The following TXNDC16 variants were observed in gnomAD, a reference collection of about 807,000 sequenced individuals.
TXNDC16 encodes thioredoxin domain containing 16.
A neutral mutation model predicts 85.6 loss-of-function variants in TXNDC16; 74 were observed. The ratio of observed to expected loss-of-function variants is 0.86; its 90% CI spans 0.72 to 1.05. The LOEUF (loss-of-function observed/expected upper bound fraction) is 1.05. Ranked by LOEUF, TXNDC16 falls within the 50% of genes least tolerant of loss-of-function variation. TXNDC16 has a pLI of 0.00. For synonymous variants in TXNDC16, 335 were observed against 326.5 expected (o/e 1.03, Z -0.28); for missense variants, 959 against 947.0 (o/e 1.01, Z -0.17).
intron 16 of TXNDC16, among the ~76,000 whole-genome samples, chr14:52,465,521 G>C (rs1055711391): frequency 6.6e-6 from 1 of 151,394 alleles, no homozygotes; most frequent in African/African-American, 2.4e-5. Flanking sequence ...GAACCTGGGA[G>C]GCCGAGCTTG....
chr14:52,465,165 A>T (rs1302278262), intron 16 of TXNDC16, among the ~76,000 whole-genome samples: 1 of 152,208 alleles, frequency 6.6e-6, no homozygotes, highest in Non-Finnish European at 1.5e-5. Context: ...TGCAAACATA[A>T]TGCTAGACCA....
chr14:52,477,448 TCA>T (rs2036043926), intron 14 of TXNDC16, among the ~76,000 whole-genome samples: 2 of 151,798 alleles, frequency 1.3e-5, no homozygotes, highest in East Asian at 3.9e-4. Context: ...ACATAAAGAC[TCA>T]CATAAACTTA....
chr14:52,488,839 A>AAAAAAAC (rs1555337760), intron 11 of TXNDC16, among the ~76,000 whole-genome samples: 2 of 151,454 alleles, frequency 1.3e-5, no homozygotes, highest in African/African-American at 2.4e-5. Context: ...GGGAAAAAAA[A>AAAAAAAC]AAAAAAAAAA....
chr14:52,463,184 C>T (rs1164005685), intron 16 of TXNDC16, among the ~76,000 whole-genome samples: 1 of 142,716 alleles, frequency 7.0e-6, no homozygotes, highest in African/African-American at 2.7e-5. Flanking sequence ...ACTTCCAAAC[C>T]CAGTTCAGAT....
intron 11 of TXNDC16, among the ~76,000 whole-genome samples, chr14:52,489,554 G>A (rs1208948955): frequency 2.0e-5 from 3 of 152,090 alleles, no homozygotes; most frequent in African/African-American, 7.2e-5. Flanking sequence ...AAAAGTAGAG[G>A]AATCAAAATC....
At position 52,440,706 on chromosome 14, in the gene TXNDC16, T is replaced by C; in HGVS notation, c.1861A>G (p.Asn621Asp). 1 of 1,606,076 alleles carries C rather than the reference T, an allele frequency of 6.2e-7. No individual in the cohort carries two copies. The highest frequency in any genetic ancestry group is 1.1e-5 in the South Asian group (1 of 88,846). Reference sequence around the variant, plus strand: ...TGAAGTCTGAAATAACTGGGAAGATTTTCCACAGTGATTTCCGGCTGTCAA... The same window carrying C: ...TGAAGTCTGAAATAACTGGGAAGATCTTCCACAGTGATTTCCGGCTGTCAA... ...LEMFPEITVE[N>D]LPSYFRLQKP... Residue 621 changes from asparagine to aspartate, a missense_variant, in exon 19 of 21, where the codon AAT (asparagine) becomes GAT (aspartate). Coordinates refer to ENST00000281741, the MANE Select transcript of TXNDC16 (RefSeq NM_020784.3).
At chr14:52,487,210 A>G (rs540891579) in intron 12 of TXNDC16, among the ~76,000 whole-genome samples, 3 of 152,370 alleles carry the variant, frequency 2.0e-5, no homozygotes, top group African/African-American at 7.2e-5. Context: ...TGTAATGACA[A>G]GCCCACTGAG....
chr14:52,514,473 C>T (rs2037030834), intron 8 of TXNDC16, among the ~76,000 whole-genome samples: 1 of 152,148 alleles, frequency 6.6e-6, no homozygotes, highest in South Asian at 2.1e-4. Context: ...ACATTCTGTT[C>T]AAAAACTGTA....
chr14:52,468,466 G>A lies in TXNDC16; in HGVS notation c.1618+1571C>T, dbSNP rs1370601265. Reference sequence around the variant, plus strand: ...ATATACAAAATTATCATTAAACAAAGCTAAAGAGCAAATAACAGACTGAGG... The same window carrying A: ...ATATACAAAATTATCATTAAACAAAACTAAAGAGCAAATAACAGACTGAGG... On this transcript the variant is annotated intron_variant, in intron 16 of 20. Transcript: ENST00000281741. Among the ~76,000 whole-genome samples, 3 of 152,124 alleles carry A rather than the reference G, an allele frequency of 2.0e-5. No individual in the cohort carries two copies. The East Asian group carries it at 5.8e-4, about 29-fold the overall frequency.
chr14:52,524,124 A>G (rs1002573353), intron 6 of TXNDC16, among the ~76,000 whole-genome samples: 13 of 152,390 alleles, frequency 8.5e-5, no homozygotes, highest in African/African-American at 3.1e-4. Context: ...CTCAATGCCT[A>G]TTCAGGAGAG....
intron 8 of TXNDC16, among the ~76,000 whole-genome samples, chr14:52,513,039 G>A (rs2036993828): frequency 6.6e-6 from 1 of 152,146 alleles, no homozygotes; most frequent in South Asian, 2.1e-4. Context: ...ATTGTGACAT[G>A]TATGGGGCAT....
chr14:52,547,336 A>G (rs1202417700), intron 1 of TXNDC16, among the ~76,000 whole-genome samples: 2 of 152,222 alleles, frequency 1.3e-5, no homozygotes, highest in Admixed American at 6.5e-5. Context: ...TGCAGAGTAA[A>G]AAGTATTTGT....
rs934170216 is a variant in TXNDC16 at position 52,520,669 on chromosome 14, C to A, written c.393-1376G>T. On this transcript the variant is annotated intron_variant, in intron 6 of 20. Transcript: ENST00000281741. ...AAAGTTGTCTACTTCTATATAAATT[C>A]TCTACCCCTAACAACTCATTCCACT... 2.0e-5 allele frequency among the ~76,000 whole-genome samples: 3 copies of A among 152,028 alleles called. No individual in the cohort carries two copies. In the South Asian group the frequency reaches 6.2e-4, roughly 32 times the overall value.
At chr14:52,540,043 C>T (rs2037793936) in intron 4 of TXNDC16, among the ~76,000 whole-genome samples, 1 of 152,070 alleles carries the variant, frequency 6.6e-6, no homozygotes, top group Admixed American at 6.6e-5. Context: ...GCACTATTTC[C>T]GAATTCAATC....
intron 4 of TXNDC16, among the ~76,000 whole-genome samples, chr14:52,539,552 A>T (rs2037781573): frequency 6.6e-6 from 1 of 152,248 alleles, no homozygotes; most frequent in Admixed American, 6.5e-5. Flanking sequence ...GTATCCTGAT[A>T]CATCTGGCTA....
rs141812830 is a variant in TXNDC16 at position 52,436,534 on chromosome 14, A to C, written c.2194+2670T>G. 7.2e-5 allele frequency among the ~76,000 whole-genome samples: 11 copies of C among 152,306 alleles called. No individual in the cohort carries two copies. In the East Asian group the frequency reaches 1.2e-3, roughly 16 times the overall value. On this transcript the variant is annotated intron_variant, in intron 20 of 20. Coordinates refer to ENST00000281741, the MANE Select transcript of TXNDC16 (RefSeq NM_020784.3). ...TGATCTTGAGAATGCCTGAAAAAGT[A>C]CTGAATTGTACACTCTAAAAGGGTG... is the stretch of plus-strand genomic sequence containing the variant.
intron 6 of TXNDC16, among the ~76,000 whole-genome samples, chr14:52,530,005 A>C (rs1335953145): frequency 9.6e-6 from 1 of 104,040 alleles, no homozygotes; most frequent in Admixed American, 1.5e-4. Flanking sequence ...TATATATAAT[A>C]TATATTATAT....
In TXNDC16 at chr14:52,455,462, C is replaced by T; in HGVS notation, c.1704G>A (p.Leu568=). 1.2e-6 allele frequency: 2 copies of T among 1,613,276 alleles called. No homozygotes were observed. Among genetic ancestry groups the T allele is most frequent in the Non-Finnish European group, 1.7e-6 (2 of 1,179,760 alleles). The change falls in exon 18 of 21, where the codon CTG becomes CTA. Residue 568 remains leucine, a splice_region_variant and synonymous_variant. Transcript: ENST00000281741. ...GAAGACTTGCAGCATATTTGGTTGA[C>T]CTATGGAGAAAGGCAGTATTAAAAT... ...GIYSEEDVLL[L]STKYAASLPA...
chr14:52,454,649 CAAAA>C (rs34727206), intron 18 of TXNDC16, among the ~76,000 whole-genome samples: 3 of 60,424 alleles, frequency 5.0e-5, no homozygotes, highest in Non-Finnish European at 3.2e-5. Flanking sequence ...ACTAAAAATA[CAAAA>C]AAAAAAAAAA....
Sources: allele counts gnomAD v4.1 joint callset (sites outside exome capture counted in the v4.1 genomes callset), GRCh38; gene constraint gnomAD v4.1.1; transcripts MANE v1.5; gene names NCBI Gene and HGNC (gene_info 2026-07-23, HGNC 2026-07-21).